ATAD5: variants seen among roughly 807,000 people sequenced by gnomAD.
ATAD5 encodes the protein ATPase family AAA domain containing 5.
ATAD5 carries 58 observed loss-of-function variants against 176.9 expected under a neutral mutation model. That is an observed-to-expected ratio of 0.33 (90% CI 0.27 to 0.41). The LOEUF (loss-of-function observed/expected upper bound fraction) is 0.41, where lower values mean the gene tolerates loss of function less well. ATAD5 is among the 10% of genes least tolerant of loss of function. ATAD5 has a pLI of 1.00. For synonymous variants in ATAD5, 640 were observed against 712.6 expected, an observed-to-expected ratio of 0.90 and a Z score of 1.62; for missense variants, 1,789 against 2,094.1, an observed-to-expected ratio of 0.85 and a Z score of 2.84.
chr17:30,846,723 T>C (rs1038471146), intron 6 of ATAD5, among the ~76,000 whole-genome samples: 16 of 139,822 alleles, frequency 1.1e-4, no homozygotes, highest in South Asian at 4.3e-4. Flanking sequence ...TTTTCTCTCT[T>C]TTTTTTTTTT....
At chr17:30,868,444 C>G (rs755776148) in intron 12 of ATAD5, 32 bp downstream of exon 12, 1 of 1,330,620 alleles carries the variant, frequency 7.5e-7, no homozygotes, top group East Asian at 2.6e-5. Context: ...TTTTTTTTAC[C>G]ATTTCACTGA....
At chr17:30,878,235 A>G in intron 17 of ATAD5, 139 bp downstream of exon 17, 1 of 606,740 alleles carries the variant, frequency 1.6e-6, no homozygotes, top group Non-Finnish European at 2.9e-6. Context: ...TATGTTGGGT[A>G]TTAGATATTT....
At position 30,868,944 on chromosome 17, in the gene ATAD5, C is replaced by A. The variant is rs187336406; in HGVS notation, c.3314-304C>A. The stretch of plus-strand genomic sequence containing the variant: ...CTCCACCTCCTGGGTTCAAGTGATT[C>A]TCCCATCTCAGCCTACCGAGTACCT... On this transcript the variant is annotated intron_variant, in intron 12 of 22. Transcript: ENST00000321990. 2.7e-5 allele frequency among the ~76,000 whole-genome samples: 4 copies of A among 149,466 alleles called. No individual in the cohort carries two copies. The Admixed American group carries it at 2.7e-4, about 10-fold the overall frequency.
At chr17:30,877,581 C>T (rs1953240912) in intron 16 of ATAD5, 32 bp downstream of exon 16, 3 of 1,573,886 alleles carry the variant, frequency 1.9e-6, no homozygotes, top group Admixed American at 2.0e-5. Flanking sequence ...TTTGTGAGAG[C>T]TCATGATAAA....
intron 18 of ATAD5, among the ~76,000 whole-genome samples, chr17:30,884,424 C>CTTTTTTTTTTTTTTTT (rs61664127): frequency 8.6e-5 from 7 of 80,966 alleles, no homozygotes; most frequent in African/African-American, 1.8e-4. Flanking sequence ...CTTTTCTTTT[C>CTTTTTTTTTTTTTTTT]TTTTTTTTTT....
chr17:30,871,438 C>T (rs1908328317), intron 14 of ATAD5, among the ~76,000 whole-genome samples: 1 of 151,742 alleles, frequency 6.6e-6, no homozygotes, highest in South Asian at 2.1e-4. Context: ...ACCTCCACCT[C>T]CCAGGTTCAA....
chr17:30,859,625 T>G (rs1283329106), intron 9 of ATAD5, among the ~76,000 whole-genome samples: 2 of 152,106 alleles, frequency 1.3e-5, no homozygotes, highest in Admixed American at 1.3e-4. Context: ...CCTCCCAAAT[T>G]GCTGGGATTA....
At position 30,893,887 on chromosome 17, in the gene ATAD5, T is replaced by C. The variant is rs193221883; in HGVS notation, c.5034T>C (p.Ser1678=). Residue 1678 remains serine (S), a synonymous_variant, in exon 21 of 23, where the codon AGT becomes AGC. Coordinates refer to ENST00000321990, the MANE Select transcript of ATAD5 (RefSeq NM_024857.5). ...EQNKYGRNDF[S]WTNGKVTSGL... ...ACAAATACGGTAGAAATGACTTTAG[T>C]TGGACAAATGGAAAGGTTACAAGTG... The C allele has an allele frequency of 2.3e-4, 368 of 1,614,036 alleles. 3 individuals are homozygous for C. The Admixed American group carries it at 5.9e-3, about 26-fold the overall frequency.
chr17:30,842,986 C>T (rs1428237459), intron 4 of ATAD5, among the ~76,000 whole-genome samples: 4 of 151,984 alleles, frequency 2.6e-5, no homozygotes, highest in African/African-American at 9.7e-5. Flanking sequence ...CAGGTAATCC[C>T]CCCTGCCTTG....
At chr17:30,885,005 C>T (rs1245552670) in intron 18 of ATAD5, among the ~76,000 whole-genome samples, 1 of 152,190 alleles carries the variant, frequency 6.6e-6, no homozygotes, top group African/African-American at 2.4e-5. Flanking sequence ...CCTTTGCCTC[C>T]CAGAGTGCTG....
intron 4 of ATAD5, among the ~76,000 whole-genome samples, chr17:30,842,660 C>T (rs1359569176): frequency 6.6e-6 from 1 of 152,142 alleles, no homozygotes; most frequent in Non-Finnish European, 1.5e-5. Context: ...CTTTTTATAG[C>T]TTGGTCATAT....
At chr17:30,874,839 C>T (rs1444711775) in intron 14 of ATAD5, among the ~76,000 whole-genome samples, 1 of 151,766 alleles carries the variant, frequency 6.6e-6, no homozygotes, top group East Asian at 2.0e-4. Flanking sequence ...CCATGTTGGC[C>T]AGGCTGGTCT....
At position 30,835,073 on chromosome 17, in the gene ATAD5, T is replaced by C; in HGVS notation, c.992T>C (p.Ile331Thr). The C allele has an allele frequency of 1.2e-6, 2 of 1,614,072 alleles. No homozygotes were observed. The highest frequency in any genetic ancestry group is 1.7e-6 in the Non-Finnish European group (2 of 1,180,000). Residue 331 changes from isoleucine to threonine, a missense_variant, in exon 2 of 23, where the codon ATT becomes ACT. Ile to Thr is a moderately conservative substitution (Grantham distance 89). Coordinates refer to ENST00000321990, the MANE Select transcript of ATAD5 (RefSeq NM_024857.5). The part of the protein sequence containing the change: ...TVTVLAQVHP[I>T]PPKKTGKIPR... ...ACTGTTCTTGCACAGGTTCACCCTA[T>C]TCCGCCCAAAAAGACAGGGAAAATA... is the stretch of plus-strand genomic sequence containing the variant.
In ATAD5 at chr17:30,891,737, G is replaced by A. The variant is rs149531021; in HGVS notation, c.4259-870G>A. On this transcript the variant is annotated intron_variant, in intron 19 of 22. Coordinates refer to ENST00000321990, the MANE Select transcript of ATAD5 (RefSeq NM_024857.5). ...GTCTCGCTCTGTTGCCGAGGCTGGA[G>A]TGCAGTGGCGTGATCTCGGCTCACT... Among the ~76,000 whole-genome samples, 46 of 151,916 alleles carry A rather than the reference G, an allele frequency of 3.0e-4. 1 individual carries two copies. In the East Asian group the frequency reaches 9.0e-3, roughly 30 times the overall value.
intron 1 of ATAD5, among the ~76,000 whole-genome samples, 189 bp downstream of exon 1, chr17:30,832,602 A>C (rs1211201464): frequency 6.6e-6 from 1 of 152,068 alleles, no homozygotes; most frequent in East Asian, 1.9e-4. Context: ...AAGTCCTGAT[A>C]AACATTTGGA....
chr17:30,888,673 C>A (rs1343400421), intron 19 of ATAD5, among the ~76,000 whole-genome samples: 2 of 152,000 alleles, frequency 1.3e-5, no homozygotes, highest in Non-Finnish European at 2.9e-5. Context: ...CCTTTTTGAG[C>A]CTGTTTTTTC....
At chr17:30,865,151 C>A (rs555270838) in intron 10 of ATAD5, among the ~76,000 whole-genome samples, 1 of 149,140 alleles carries the variant, frequency 6.7e-6, no homozygotes, top group African/African-American at 2.5e-5. Flanking sequence ...AAAAAAAAAC[C>A]AATGTTTAAG....
At chr17:30,864,729 G>C (rs1423415577) in intron 10 of ATAD5, 2 of 152,198 alleles carry the variant, frequency 1.3e-5, no homozygotes, top group Non-Finnish European at 2.9e-5. Flanking sequence ...GCTTATAAAG[G>C]AGAACATGCA....
Position 30,834,342 on chromosome 17 carries a change from T to G in ATAD5, c.261T>G (p.Pro87=). The change falls in exon 2 of 23, where the codon CCT becomes CCG. Residue 87 remains proline (P), a synonymous_variant. Transcript: ENST00000321990. ...QLGKECKIKS[P]ESVPVDSNKD... is the part of the protein sequence containing the mutation. ...GGAAAGAGTGCAAGATAAAGTCACC[T>G]GAATCAGTACCTGTTGACAGCAACA... The G allele has an allele frequency of 1.2e-6, 2 of 1,610,522 alleles. No homozygotes were observed. The highest frequency in any genetic ancestry group is 1.7e-6 in the Non-Finnish European group (2 of 1,178,786).
Sources: allele counts gnomAD v4.1 joint callset (sites outside exome capture counted in the v4.1 genomes callset), GRCh38; gene constraint gnomAD v4.1.1; transcripts MANE v1.5; gene names NCBI Gene and HGNC (gene_info 2026-07-23, HGNC 2026-07-21).